The following RNF123 variants were observed in gnomAD, a reference collection of about 807,000 sequenced individuals.
RNF123 encodes the protein E3 ubiquitin-protein ligase RNF123.
In RNF123, 86 loss-of-function variants were observed where a neutral mutation model predicts 168.5. The observed-to-expected ratio is 0.51, with a 90% confidence interval of 0.43 to 0.61. RNF123 has a LOEUF of 0.61. Among genes scored for constraint, RNF123 ranks in the 20% least tolerant of loss-of-function variants. The pLI is 0.00. For missense variants in RNF123, 1,419 were observed against 1,729.7 expected, an observed-to-expected ratio of 0.82 and a Z score of 3.19; for synonymous variants, 666 against 689.1, an observed-to-expected ratio of 0.97 and a Z score of 0.52.
At chr3:49,721,151 T>C (rs763999469) in intron 38 of RNF123, 34 bp from the exon 39 acceptor site, 2 of 1,614,088 alleles carry the variant, frequency 1.2e-6, no homozygotes, top group South Asian at 1.1e-5. Flanking sequence ...AGTAGGTACA[T>C]GCAGGGCAGT....
intron 35 of RNF123, chr3:49,718,524 CGGCGAAACCCA>C: frequency 6.2e-7 from 1 of 1,613,156 alleles, no homozygotes; most frequent in Middle Eastern, 1.7e-4. Context: ...GCTCCTGCTG[CGGCGAAACCCA>C]GGCAATGCGC....
chr3:49,702,374 A>G lies in RNF123; in HGVS notation c.1598A>G (p.Lys533Arg), dbSNP rs1382647914. The part of the protein sequence containing the change: ...SRYIFLTKFR[K>R]FLQENASGRG... ...TATATCTTCCTGACCAAGTTTCGCA[A>G]GTTTCTGCAGGAGAACGCCAGTGGC... The change falls in exon 19 of 39, where the codon AAG becomes AGG. Residue 533 changes from lysine (K) to arginine (R), a missense_variant. Coordinates refer to ENST00000327697, the MANE Select transcript of RNF123 (RefSeq NM_022064.5). The G allele has an allele frequency of 6.2e-7, 1 of 1,614,148 alleles. No individual in the cohort carries two copies. Among genetic ancestry groups the G allele is most frequent in the Admixed American group, 1.7e-5 (1 of 60,028 alleles).
intron 35 of RNF123, chr3:49,719,420 C>T (rs755824523): frequency 3.7e-6 from 6 of 1,613,596 alleles, no homozygotes; most frequent in Non-Finnish European, 5.1e-6. Context: ...CCTAACCCAA[C>T]GCGCAGCATG....
At chr3:49,700,831 C>T in intron 15 of RNF123, 122 bp downstream of exon 15, 1 of 1,014,344 alleles carries the variant, frequency 9.9e-7, no homozygotes, top group Non-Finnish European at 1.5e-6. Context: ...ACCAGAGCTG[C>T]CCAACGTGGC....
At chr3:49,718,146 C>T (rs1265545394) in intron 35 of RNF123, 16 of 1,613,068 alleles carry the variant, frequency 9.9e-6, no homozygotes, top group Middle Eastern at 1.6e-4. Flanking sequence ...GTGCGTCTGG[C>T]GGTGTGGTGC....
rs1225437052 is a variant in RNF123 at position 49,700,305 on chromosome 3, C to G, written c.1063C>G (p.Gln355Glu). ...GGAGAAGGGCACACCCACACAGGCA[C>G]AGTCCGTGGTGCACCAGGTCCTGGA... Reference protein sequence around the residue: ...IVEKGTPTQAQSVVHQVLDLL... With the variant: ...IVEKGTPTQAESVVHQVLDLL... The change falls in exon 13 of 39, where the codon CAG becomes GAG. Residue 355 changes from glutamine (Q) to glutamate (E), a missense_variant. Physicochemically the swap from Gln to Glu is conservative, Grantham distance 29 (BLOSUM62 2). Transcript: ENST00000327697. 1.2e-6 allele frequency: 2 copies of G among 1,614,106 alleles called. No individual in the cohort carries two copies. The highest frequency in any genetic ancestry group is 1.3e-5 in the African/African-American group (1 of 74,944).
rs1480975273 is a variant in RNF123 at position 49,721,171 on chromosome 3, C to T, written c.3825-14C>T. The T allele has an allele frequency of 4.3e-6, 7 of 1,614,080 alleles. No individual in the cohort carries two copies. Among genetic ancestry groups the T allele is most frequent in the Non-Finnish European group, 5.9e-6 (7 of 1,180,030 alleles). ...GTACATGCAGGGCAGTCCTCATCCC[C>T]TCCCCTGTTGTAGAGCCTGTATCAA... On this transcript the variant is annotated splice_polypyrimidine_tract_variant and intron_variant, in intron 38 of 38. Coordinates refer to ENST00000327697, the MANE Select transcript of RNF123 (RefSeq NM_022064.5).
At chr3:49,717,766 T>C (rs1234424339) in intron 35 of RNF123, 8 of 672,842 alleles carry the variant, frequency 1.2e-5, no homozygotes, top group South Asian at 1.9e-5. Context: ...AGAAGGCAGG[T>C]TGGGGACCAC....
intron 3 of RNF123, among the ~76,000 whole-genome samples, chr3:49,692,140 G>A (rs1046593935): frequency 6.6e-6 from 1 of 152,218 alleles, no homozygotes; most frequent in South Asian, 2.1e-4. Flanking sequence ...AGCTGTTAGG[G>A]AGGCTGATGT....
In RNF123 at chr3:49,691,516, C is replaced by T; in HGVS notation, c.167+7C>T. ...CCCCAGCAGCCACCAGCAGGTATGGCTGGGTGGGTGGCCCCTCCTCACTCT... is the reference window on the plus strand; with the variant it reads ...CCCCAGCAGCCACCAGCAGGTATGGTTGGGTGGGTGGCCCCTCCTCACTCT... On this transcript the variant is annotated splice_region_variant and intron_variant, in intron 3 of 38. Coordinates refer to ENST00000327697, the MANE Select transcript of RNF123 (RefSeq NM_022064.5). 6.2e-7 allele frequency: 1 copy of T among 1,613,094 alleles called. No individual in the cohort carries two copies. The highest frequency in any genetic ancestry group is 8.5e-7 in the Non-Finnish European group (1 of 1,179,156).
At chr3:49,713,670 A>G in intron 28 of RNF123, 68 bp from the exon 29 acceptor site, 1 of 1,571,976 alleles carries the variant, frequency 6.4e-7, no homozygotes, top group Non-Finnish European at 8.6e-7. Flanking sequence ...AAATGTGGCC[A>G]GGTGGGCATG....
At chr3:49,695,330 G>A (rs1324838624) in intron 3 of RNF123, among the ~76,000 whole-genome samples, 1 of 152,032 alleles carries the variant, frequency 6.6e-6, no homozygotes, top group African/African-American at 2.4e-5. Flanking sequence ...AAACCCCTGG[G>A]CTCAAGTGAT....
rs778760742 is a variant in RNF123 at position 49,701,656 on chromosome 3, G to A, written c.1395+48G>A. On this transcript the variant is annotated intron_variant, in intron 16 of 38. Coordinates refer to ENST00000327697, the MANE Select transcript of RNF123 (RefSeq NM_022064.5). ...GGGCAGAGGTCATGGCAAGGCCCCT[G>A]GCCTGGGCATCTGGCCACTGGGCAT... 4 of 1,544,104 alleles carry A rather than the reference G, an allele frequency of 2.6e-6. No homozygotes were observed. In the African/African-American group the frequency reaches 4.1e-5, roughly 16 times the overall value.
Position 49,721,388 on chromosome 3 carries a change from T to A in RNF123, c.*83T>A. 6.4e-7 allele frequency: 1 copy of A among 1,562,596 alleles called. No individual in the cohort carries two copies. The highest frequency in any genetic ancestry group is 8.8e-7 in the Non-Finnish European group (1 of 1,133,818). On this transcript the variant is annotated 3_prime_UTR_variant, in exon 39 of 39. Coordinates refer to ENST00000327697, the MANE Select transcript of RNF123 (RefSeq NM_022064.5). ...CCCTATTTATGAGCTCCCTTTGCCC[T>A]TCTCCTGTATCCCACACCACCACAT...
chr3:49,704,957 G>A (rs754823199), intron 22 of RNF123, 27 bp from the exon 23 acceptor site: 4 of 1,576,692 alleles, frequency 2.5e-6, no homozygotes, highest in Non-Finnish European at 3.4e-6. Flanking sequence ...AGCCAGCCCT[G>A]GTCCTGGCCG....
At chr3:49,719,137 C>T (rs1233166649) in intron 35 of RNF123, 3 of 1,613,596 alleles carry the variant, frequency 1.9e-6, no homozygotes, top group Admixed American at 1.7e-5. Context: ...CAGCCTCAGG[C>T]CGCTGGCGTT....
chr3:49,715,997 G>A lies in RNF123; in HGVS notation c.3326G>A (p.Arg1109Gln), dbSNP rs761182584. 34 of 1,613,796 alleles carry A rather than the reference G, an allele frequency of 2.1e-5. No individual in the cohort carries two copies. Among genetic ancestry groups the A allele is most frequent in the Non-Finnish European group, 2.9e-5 (34 of 1,180,040 alleles). The change falls in exon 33 of 39, where the codon CGG (arginine) becomes CAG (glutamine). Residue 1109 changes from arginine (R) to glutamine (Q), a missense_variant. By Grantham distance (43) the Arg-to-Gln change is conservative. Around this residue, in one of 5 missense-constraint regions of RNF123, gnomAD observed 538 missense variants for 708.8 expected, o/e 0.76. Coordinates refer to ENST00000327697, the MANE Select transcript of RNF123 (RefSeq NM_022064.5). ...WTRPTSEMLL[R>Q]RLAQLLNQVL... ...CGGCCTACCTCTGAGATGCTGCTGCGGCGTCTTGCACAGGTGTGGCCATCT... is the reference window on the plus strand; with the variant it reads ...CGGCCTACCTCTGAGATGCTGCTGCAGCGTCTTGCACAGGTGTGGCCATCT...
intron 25 of RNF123, 30 bp from the exon 26 acceptor site, chr3:49,706,759 CTT>C: frequency 6.3e-7 from 1 of 1,595,336 alleles, no homozygotes; most frequent in Non-Finnish European, 8.6e-7. Context: ...GGGGCCATGT[CTT>C]GATTGTCCTC....
intron 2 of RNF123, 37 bp downstream of exon 2, chr3:49,691,284 T>A (rs781436676): frequency 1.5e-5 from 24 of 1,604,728 alleles, no homozygotes; most frequent in Non-Finnish European, 2.0e-5. Flanking sequence ...GCTCCTCTTG[T>A]TGGGAGGAGA....
Sources: allele counts gnomAD v4.1 joint callset (sites outside exome capture counted in the v4.1 genomes callset), GRCh38; gene constraint gnomAD v4.1.1; regional missense constraint gnomAD v4.1.1; transcripts MANE v1.5; gene names NCBI Gene and HGNC (gene_info 2026-07-23, HGNC 2026-07-21).